Variants in FRAS1 observed in about 807,000 individuals in gnomAD.
The protein encoded by FRAS1 is extracellular matrix organizing protein FRAS1.
In FRAS1, 290 loss-of-function variants were observed where a neutral mutation model predicts 435.2. The ratio of observed to expected loss-of-function variants is 0.67; its 90% CI spans 0.61 to 0.73. FRAS1 has a LOEUF of 0.73. Among genes scored for constraint, FRAS1 ranks in the 30% least tolerant of loss-of-function variants. The pLI is 0.00. For missense variants in FRAS1, 4,860 were observed against 5,001.5 expected (o/e 0.97, Z 0.85); for synonymous variants, 1,800 against 1,851.0 (o/e 0.97, Z 0.71).
At chr4:78,059,887 GGGGGGC>G (rs55970025) in intron 1 of FRAS1, among the ~76,000 whole-genome samples, 2 of 132,656 alleles carry the variant, frequency 1.5e-5, no homozygotes, top group Non-Finnish European at 1.6e-5. Context: ...GGGTAGAGAC[GGGGGGC>G]GGGGGCGGGG....
chr4:78,407,622 C>T, intron 30 of FRAS1, 41 bp from the exon 31 acceptor site: 3 of 1,531,754 alleles, frequency 2.0e-6, no homozygotes, highest in Non-Finnish European at 2.6e-6. Flanking sequence ...TCTGACTTTT[C>T]CTAGGGACCC....
chr4:78,410,896 C>G (rs1733306803), intron 31 of FRAS1, among the ~76,000 whole-genome samples: 1 of 152,122 alleles, frequency 6.6e-6, no homozygotes, highest in African/African-American at 2.4e-5. Context: ...ATTCTAAAGT[C>G]TCATTGTTTT....
At chr4:78,456,825 T>G (rs1465639947) in intron 47 of FRAS1, among the ~76,000 whole-genome samples, 1 of 152,230 alleles carries the variant, frequency 6.6e-6, no homozygotes, top group East Asian at 1.9e-4. Flanking sequence ...TGAGAAATAG[T>G]AGGCTGTGGC....
intron 29 of FRAS1, among the ~76,000 whole-genome samples, chr4:78,388,377 T>G (rs1329801556): frequency 2.0e-5 from 3 of 150,832 alleles, no homozygotes; most frequent in Non-Finnish European, 2.9e-5. Context: ...AAATGTGAAG[T>G]TCATAGTCAG....
At chr4:78,369,028 C>G (rs974902905) in intron 22 of FRAS1, among the ~76,000 whole-genome samples, 19 of 152,070 alleles carry the variant, frequency 1.2e-4, no homozygotes, top group African/African-American at 4.6e-4. Context: ...GGGGTCAGAG[C>G]GGAGATGGGG....
intron 2 of FRAS1, among the ~76,000 whole-genome samples, chr4:78,211,240 G>T (rs2110085072): frequency 6.6e-6 from 1 of 152,284 alleles, no homozygotes; most frequent in Non-Finnish European, 1.5e-5. Flanking sequence ...AAACCTGGGT[G>T]GTGGTTGCAT....
At chr4:78,378,832 T>C (rs1288208965) in intron 26 of FRAS1, among the ~76,000 whole-genome samples, 1 of 152,148 alleles carries the variant, frequency 6.6e-6, no homozygotes, top group Non-Finnish European at 1.5e-5. Flanking sequence ...GTCTTTTCAC[T>C]TTCTCATGGG....
chr4:78,496,897 C>G lies in FRAS1; in HGVS notation c.9051C>G (p.His3017Gln). The change falls in exon 60 of 74, where the codon CAC becomes CAG. Residue 3017 changes from histidine (H) to glutamine (Q), a missense_variant. By Grantham distance (24) the His-to-Gln change is conservative. Coordinates refer to ENST00000512123, the MANE Select transcript of FRAS1 (RefSeq NM_025074.7). The part of the protein sequence containing the change: ...RVYLGLPLGN[H>Q]WSGARIGKNN... ...ACCTCGGCCTTCCTCTTGGAAACCA[C>G]TGGAGTGGAGCTAGAATTGGAAAGA... 6.2e-7 allele frequency: 1 copy of G among 1,613,672 alleles called. No homozygotes were observed. The highest frequency in any genetic ancestry group is 1.1e-5 in the South Asian group (1 of 91,076).
chr4:78,375,687 G>A, intron 25 of FRAS1, 52 bp from the exon 26 acceptor site: 1 of 1,483,890 alleles, frequency 6.7e-7, no homozygotes, highest in Admixed American at 2.7e-5. Context: ...TTATTTCTTT[G>A]TCGCTGGTGT....
rs758350363 is a variant in FRAS1 at position 78,089,737 on chromosome 4, C to A, written c.108+23721C>A. ...TAGAAATTGGATACAGCTCTTCAAA[C>A]TTTGCTTTTTTCTTTTCTTTTTTAA... On this transcript the variant is annotated intron_variant, in intron 2 of 73. Coordinates refer to ENST00000512123, the MANE Select transcript of FRAS1 (RefSeq NM_025074.7). 2.0e-5 allele frequency among the ~76,000 whole-genome samples: 3 copies of A among 152,054 alleles called. 1 individual carries two copies. In the South Asian group the frequency reaches 6.2e-4, roughly 32 times the overall value.
At chr4:78,406,338 G>A (rs2110351452) in intron 30 of FRAS1, among the ~76,000 whole-genome samples, 1 of 152,304 alleles carries the variant, frequency 6.6e-6, no homozygotes, top group African/African-American at 2.4e-5. Context: ...TCACACTGCT[G>A]ATAAAGGCAT....
chr4:78,404,387 A>T (rs1274100199), intron 30 of FRAS1, among the ~76,000 whole-genome samples: 7 of 151,558 alleles, frequency 4.6e-5, no homozygotes, highest in African/African-American at 1.7e-4. Flanking sequence ...TATTACGATT[A>T]AAGCATAGGT....
chr4:78,514,821 C>T lies in FRAS1; in HGVS notation c.10175-978C>T, dbSNP rs1328010549. Among the ~76,000 whole-genome samples, 6 of 152,166 alleles carry T rather than the reference C, an allele frequency of 3.9e-5. No individual in the cohort carries two copies. The East Asian group carries it at 7.7e-4, about 20-fold the overall frequency. ...GTGGCTCATGCCTGTAATCCTAGCA[C>T]TTTGGGAGGCTGAGGCGGGTGGATT... On this transcript the variant is annotated intron_variant, in intron 65 of 73. Coordinates refer to ENST00000512123, the MANE Select transcript of FRAS1 (RefSeq NM_025074.7).
intron 70 of FRAS1, 47 bp from the exon 71 acceptor site, chr4:78,534,402 A>G (rs1391402879): frequency 6.4e-7 from 1 of 1,561,920 alleles, no homozygotes; most frequent in Non-Finnish European, 8.8e-7. Context: ...GACATATGCA[A>G]AGCTGACCCT....
intron 2 of FRAS1, among the ~76,000 whole-genome samples, chr4:78,228,578 G>T (rs1724371816): frequency 6.6e-6 from 1 of 152,176 alleles, no homozygotes; most frequent in African/African-American, 2.4e-5. Flanking sequence ...GTGTGTGTAT[G>T]TGTGTGTACT....
Position 78,448,179 on chromosome 4 carries a change from G to T in FRAS1, c.6137G>T (p.Gly2046Val), listed in dbSNP as rs201821804. The change falls in exon 44 of 74, where the codon GGC becomes GTC. Residue 2046 changes from glycine (G) to valine (V), a missense_variant. Transcript: ENST00000512123. ...GTTGGGTATGTGCCTAGTGTCCCTG[G>T]CATGGTCGTGGATGAGTTCCAGTTC... Reference protein sequence around the residue: ...GLVGYVPSVPGMVVDEFQFSL... With the variant: ...GLVGYVPSVPVMVVDEFQFSL... 6.2e-7 allele frequency: 1 copy of T among 1,613,518 alleles called. No individual in the cohort carries two copies.
intron 9 of FRAS1, among the ~76,000 whole-genome samples, chr4:78,275,133 C>T (rs1185236375): frequency 1.3e-5 from 2 of 152,140 alleles, no homozygotes; most frequent in African/African-American, 4.8e-5. Flanking sequence ...GACTAGATTG[C>T]AACCTCTGCC....
chr4:78,315,488 T>G, intron 15 of FRAS1, 106 bp from the exon 16 acceptor site: 1,042 of 1,168,472 alleles, frequency 8.9e-4, no homozygotes, highest in Non-Finnish European at 1.1e-3. Context: ...AGCCAGAAAA[T>G]GAGATTATGA....
At chr4:78,143,479 T>C (rs773611276) in intron 2 of FRAS1, among the ~76,000 whole-genome samples, 7 of 152,152 alleles carry the variant, frequency 4.6e-5, no homozygotes, top group Admixed American at 1.3e-4. Flanking sequence ...CTTGATCTCA[T>C]TGATGTATAG....
Sources: allele counts gnomAD v4.1 joint callset (sites outside exome capture counted in the v4.1 genomes callset), GRCh38; gene constraint gnomAD v4.1.1; transcripts MANE v1.5; gene names NCBI Gene and HGNC (gene_info 2026-07-23, HGNC 2026-07-21).